The following HOXD4 variants were observed in gnomAD, a reference collection of about 807,000 sequenced individuals.
HOXD4 encodes the protein homeobox D4.
In HOXD4, 15 loss-of-function variants were observed where a neutral mutation model predicts 22.6. That is an observed-to-expected ratio of 0.67 (90% confidence interval 0.45 to 1.02). The LOEUF is 1.02. Among genes scored for constraint, HOXD4 ranks in the 50% least tolerant of loss-of-function variants. HOXD4 has a pLI of 0.00. For synonymous variants in HOXD4, 176 were observed against 157.0 expected (o/e 1.12, Z -0.90); for missense variants, 350 against 346.6 (o/e 1.01, Z -0.08).
Position 176,151,846 on chromosome 2 carries a change from G to T in HOXD4, c.213G>T (p.Ser71=). 1 of 1,594,134 alleles carries T rather than the reference G, an allele frequency of 6.3e-7. No homozygotes were observed. The highest frequency in any genetic ancestry group is 8.5e-7 in the Non-Finnish European group (1 of 1,170,220). The change falls in exon 1 of 2, where the codon TCG becomes TCT. Residue 71 remains serine, a synonymous_variant. Transcript: ENST00000306324. The part of the protein sequence containing the change: ...PFGGSGPGPG[S]ALPARGHGQE... The stretch of plus-strand genomic sequence containing the variant: ...GAGGCAGCGGCCCCGGGCCTGGCTC[G>T]GCGCTGCCTGCGCGGGGTCACGGAC...
Position 176,151,674 on chromosome 2 carries a change from AC to A in HOXD4, c.45del (p.Lys16SerfsTer14). The A allele has an allele frequency of 6.2e-7, 1 of 1,613,498 alleles. No individual in the cohort carries two copies. The highest frequency in any genetic ancestry group is 8.5e-7 in the Non-Finnish European group (1 of 1,179,962). ...SSYMVNSKYV[D>X]PKFPPCEEYL... ...TATATGGTGAACTCCAAGTATGTGG[AC>A]CCCAAGTTCCCTCCGTGCGAGGAGT... On this transcript the variant is annotated frameshift_variant, in exon 1 of 2. Transcript: ENST00000306324. LOFTEE classifies it high-confidence loss of function.
Position 176,153,105 on chromosome 2 carries a change from G to T in HOXD4, c.*163G>T. On this transcript the variant is annotated 3_prime_UTR_variant, in exon 2 of 2. Coordinates refer to ENST00000306324, the MANE Select transcript of HOXD4 (RefSeq NM_014621.3). ...TAGGTTAGCATCCTGCCCGAGGGCA[G>T]CCCCCTCCCTAGAGCGGGATGGGGA... is the stretch of plus-strand genomic sequence containing the variant. 1 of 389,354 alleles carries T rather than the reference G, an allele frequency of 2.6e-6. No individual in the cohort carries two copies. The allele number at this position is 389,354 out of a possible 1,614,324, so 24.1% of individuals were successfully genotyped here.
Position 176,152,093 on chromosome 2 carries a change from T to C in HOXD4, c.433+27T>C, listed in dbSNP as rs1157717503. The stretch of plus-strand genomic sequence containing the variant: ...TAAGGCTAGGGTCCAGTAACCTTTC[T>C]GTCCACATCCCAGCCCGTTAGCCTG... On this transcript the variant is annotated intron_variant, in intron 1 of 1. Transcript: ENST00000306324. This position sits in a 1 kb window ranked among gnomAD's most constrained non-coding sequence, Gnocchi z 5.2. 2 of 1,597,986 alleles carry C rather than the reference T, an allele frequency of 1.3e-6. No homozygotes were observed. The highest frequency in any genetic ancestry group is 1.7e-6 in the Non-Finnish European group (2 of 1,165,924).
At position 176,152,166 on chromosome 2, in the gene HOXD4, A is replaced by G; in HGVS notation, c.433+100A>G. 3 of 965,672 alleles carry G rather than the reference A, an allele frequency of 3.1e-6. No homozygotes were observed. Among genetic ancestry groups the G allele is most frequent in the Non-Finnish European group, 3.2e-6 (2 of 618,220 alleles). The allele number at this position is 965,672 out of a possible 1,614,324, so 59.8% of individuals were successfully genotyped here. On this transcript the variant is annotated intron_variant, in intron 1 of 1. Coordinates refer to ENST00000306324, the MANE Select transcript of HOXD4 (RefSeq NM_014621.3). This position sits in a 1 kb window ranked among gnomAD's most constrained non-coding sequence, Gnocchi z 5.2. Reference sequence around the variant, plus strand: ...GTAGGTGGGGGCGTGTGGAGCTTCCATGGGCGCCGCAATTACTCTCCCCAT... The same window carrying G: ...GTAGGTGGGGGCGTGTGGAGCTTCCGTGGGCGCCGCAATTACTCTCCCCAT...
chr2:176,152,059 G>T lies in HOXD4; in HGVS notation c.426G>T (p.Val142=). The T allele has an allele frequency of 1.2e-6, 2 of 1,613,426 alleles. No homozygotes were observed. The highest frequency in any genetic ancestry group is 1.1e-5 in the South Asian group (1 of 91,066). The stretch of plus-strand genomic sequence containing the variant: ...ACCCCTGGATGAAGAAGGTGCACGT[G>T]AATTCGGGTAAGGCTAGGGTCCAGT... ...VVYPWMKKVH[V]NSVNPNYTGG... is the part of the protein sequence containing the mutation. The change falls in exon 1 of 2, where the codon GTG becomes GTT. Residue 142 remains valine, a synonymous_variant. Transcript: ENST00000306324. This position sits in a 1 kb window ranked among gnomAD's most constrained non-coding sequence, Gnocchi z 5.2.
At position 176,153,218 on chromosome 2, in the gene HOXD4, T is replaced by C. The variant is rs894183578; in HGVS notation, c.*276T>C. The stretch of plus-strand genomic sequence containing the variant: ...AAATCTTGGCGAGTCATTAAACTTA[T>C]GAAAATCACCGCTCTTGGATTTTGA... On this transcript the variant is annotated 3_prime_UTR_variant, in exon 2 of 2. Transcript: ENST00000306324. 15 of 477,176 alleles carry C rather than the reference T, an allele frequency of 3.1e-5. No homozygotes were observed. The highest frequency in any genetic ancestry group is 2.9e-4 in the African/African-American group (15 of 51,694). 29.6% of individuals were successfully genotyped at this position (477,176 alleles called of 1,614,324 possible).
rs772454886 is a variant in HOXD4, at chr2:176,151,562, G to A, written c.-72G>A. On this transcript the variant is annotated 5_prime_UTR_variant, in exon 1 of 2. Coordinates refer to ENST00000306324, the MANE Select transcript of HOXD4 (RefSeq NM_014621.3). ...CCCAACTTTATTCAGTTGACAGCAA[G>A]TAGGAGGGCCCTATGGAAGGAGAAA... is the stretch of plus-strand genomic sequence containing the variant. The A allele has an allele frequency of 4.6e-5, 62 of 1,359,400 alleles. No homozygotes were observed. Among genetic ancestry groups the A allele is most frequent in the Non-Finnish European group, 6.4e-5 (61 of 952,638 alleles). 84.2% of individuals were successfully genotyped at this position (1,359,400 alleles called of 1,614,324 possible).
rs1690517372 is a variant in HOXD4, at chr2:176,151,552, T to C, written c.-82T>C. 7.8e-7 allele frequency: 1 copy of C among 1,277,148 alleles called. No homozygotes were observed. The highest frequency in any genetic ancestry group is 1.5e-5 in the African/African-American group (1 of 68,090). 79.1% of individuals were successfully genotyped at this position (1,277,148 alleles called of 1,614,324 possible). ...CACATGGCTGCCCAACTTTATTCAG[T>C]TGACAGCAAGTAGGAGGGCCCTATG... On this transcript the variant is annotated 5_prime_UTR_variant, in exon 1 of 2. Transcript: ENST00000306324.
At position 176,151,900 on chromosome 2, in the gene HOXD4, C is replaced by T. The variant is rs1306750727; in HGVS notation, c.267C>T (p.Tyr89=). Residue 89 remains tyrosine (Y), a synonymous_variant, in exon 1 of 2, where the codon TAC becomes TAT. Coordinates refer to ENST00000306324, the MANE Select transcript of HOXD4 (RefSeq NM_014621.3). The part of the protein sequence containing the change: ...GQEPGGPGGH[Y]AAPGEPCPAP... ...AGCCAGGCGGCCCCGGCGGTCACTA[C>T]GCCGCTCCAGGAGAGCCTTGCCCAG... 2 of 1,590,546 alleles carry T rather than the reference C, an allele frequency of 1.3e-6. No individual in the cohort carries two copies. The highest frequency in any genetic ancestry group is 3.5e-5 in the Admixed American group (2 of 56,794).
chr2:176,151,798 C>A lies in HOXD4; in HGVS notation c.165C>A (p.Pro55=). The A allele has an allele frequency of 6.2e-7, 1 of 1,611,492 alleles. No individual in the cohort carries two copies. The highest frequency in any genetic ancestry group is 1.1e-5 in the South Asian group (1 of 90,994). Residue 55 remains proline (P), a synonymous_variant, in exon 1 of 2, where the codon CCC becomes CCA. Coordinates refer to ENST00000306324, the MANE Select transcript of HOXD4 (RefSeq NM_014621.3). ...DFQPPGLYPR[P]DFGEQPFGGS... The stretch of plus-strand genomic sequence containing the variant: ...AGCCCCCGGGGCTCTACCCACGGCC[C>A]GACTTCGGTGAGCAGCCTTTCGGAG...
At position 176,152,822 on chromosome 2, in the gene HOXD4, C is replaced by T; in HGVS notation, c.648C>T (p.Pro216=). 1.2e-6 allele frequency: 2 copies of T among 1,614,196 alleles called. No homozygotes were observed. Among genetic ancestry groups the T allele is most frequent in the East Asian group, 2.2e-5 (1 of 44,884 alleles). Residue 216 remains proline (P), a synonymous_variant, in exon 2 of 2, where the codon CCC becomes CCT. Coordinates refer to ENST00000306324, the MANE Select transcript of HOXD4 (RefSeq NM_014621.3). This position sits in a 1 kb window ranked among gnomAD's most constrained non-coding sequence, Gnocchi z 5.2. The stretch of plus-strand genomic sequence containing the variant: ...AGTGGAAAAAAGATCATAAGCTGCC[C>T]AACACTAAAGGCAGGTCATCGTCCT... ...RMKWKKDHKL[P]NTKGRSSSSS...
rs1574973330 is a variant in HOXD4 at position 176,152,178 on chromosome 2, A to G, written c.433+112A>G. On this transcript the variant is annotated intron_variant, in intron 1 of 1. Transcript: ENST00000306324. This position sits in a 1 kb window ranked among gnomAD's most constrained non-coding sequence, Gnocchi z 5.2. ...GTGTGGAGCTTCCATGGGCGCCGCA[A>G]TTACTCTCCCCATAAATTTTTATAG... The G allele has an allele frequency of 2.4e-6, 2 of 832,498 alleles. No homozygotes were observed. The highest frequency in any genetic ancestry group is 3.9e-6 in the Non-Finnish European group (2 of 512,066). The allele number at this position is 832,498 out of a possible 1,614,324, so 51.6% of individuals were successfully genotyped here.
At position 176,151,893 on chromosome 2, in the gene HOXD4, G is replaced by A. The variant is rs1400858279; in HGVS notation, c.260G>A (p.Gly87Asp). 1.1e-5 allele frequency: 18 copies of A among 1,588,092 alleles called. No homozygotes were observed. Among genetic ancestry groups the A allele is most frequent in the Non-Finnish European group, 1.5e-5 (18 of 1,167,026 alleles). The change falls in exon 1 of 2, where the codon GGT becomes GAT. Residue 87 changes from glycine (G) to aspartate (D), a missense_variant. By Grantham distance (94) the Gly-to-Asp change is moderately conservative. Transcript: ENST00000306324. ...GHGQEPGGPG[G>D]HYAAPGEPCP... Reference sequence around the variant, plus strand: ...GGACAAGAGCCAGGCGGCCCCGGCGGTCACTACGCCGCTCCAGGAGAGCCT... The same window carrying A: ...GGACAAGAGCCAGGCGGCCCCGGCGATCACTACGCCGCTCCAGGAGAGCCT...
rs1690565755 is a variant in HOXD4 at position 176,152,667 on chromosome 2, C to T, written c.493C>T (p.Gln165Ter). 3 of 1,614,182 alleles carry T rather than the reference C, an allele frequency of 1.9e-6. No individual in the cohort carries two copies. In the Middle Eastern group the frequency reaches 4.9e-4, roughly 266 times the overall value. ...GTCCCGAACGGCCTACACCCGGCAG[C>T]AAGTCCTAGAACTGGAAAAAGAATT... is the stretch of plus-strand genomic sequence containing the variant. ...KRSRTAYTRQ[Q>*]VLELEKEFHF... The change falls in exon 2 of 2, where the codon CAA becomes TAA. Residue 165 changes from glutamine (Q) to a stop codon, truncating the protein, a stop_gained. Transcript: ENST00000306324. LOFTEE classifies it high-confidence loss of function. The surrounding 1 kb of genome is among the most constrained non-coding windows in gnomAD (Gnocchi z 5.2).
chr2:176,152,135 G>T lies in HOXD4; in HGVS notation c.433+69G>T, dbSNP rs1448948618. The T allele has an allele frequency of 3.7e-6, 5 of 1,335,734 alleles. No individual in the cohort carries two copies. Among genetic ancestry groups the T allele is most frequent in the Non-Finnish European group, 4.3e-6 (4 of 932,744 alleles). 82.7% of individuals were successfully genotyped at this position (1,335,734 alleles called of 1,614,324 possible). A position where few individuals can be genotyped will look rare whatever the true frequency, so the allele number is the denominator to read the frequency against. ...GTTAGCCTGGGTCCTCTGGAAGGGGGTGCGAGTAGGTGGGGGCGTGTGGAG... is the reference window on the plus strand; with the variant it reads ...GTTAGCCTGGGTCCTCTGGAAGGGGTTGCGAGTAGGTGGGGGCGTGTGGAG... On this transcript the variant is annotated intron_variant, in intron 1 of 1. Transcript: ENST00000306324. The surrounding 1 kb of genome is among the most constrained non-coding windows in gnomAD (Gnocchi z 5.2).
Position 176,151,723 on chromosome 2 carries a change from C to CGAGCAG in HOXD4, c.92_97dup (p.Glu31_Gln32dup). 6.2e-7 allele frequency: 1 copy of CGAGCAG among 1,613,462 alleles called. No homozygotes were observed. Among genetic ancestry groups the CGAGCAG allele is most frequent in the Non-Finnish European group, 8.5e-7 (1 of 1,179,960 alleles). On this transcript the variant is annotated inframe_insertion, in exon 1 of 2. Coordinates refer to ENST00000306324, the MANE Select transcript of HOXD4 (RefSeq NM_014621.3). ...AGTATTTGCAGGGCGGCTACCTAGG[C>CGAGCAG]GAGCAGGGCGCCGACTACTACGGCG...
At position 176,152,809 on chromosome 2, in the gene HOXD4, A is replaced by T. The variant is rs1690569921; in HGVS notation, c.635A>T (p.Asp212Val). ...AACCGGAGGATGAAGTGGAAAAAAGATCATAAGCTGCCCAACACTAAAGGC... is the reference window on the plus strand; with the variant it reads ...AACCGGAGGATGAAGTGGAAAAAAGTTCATAAGCTGCCCAACACTAAAGGC... ...FQNRRMKWKKDHKLPNTKGRS... is the reference protein window; with the variant it reads ...FQNRRMKWKKVHKLPNTKGRS... Residue 212 changes from aspartate (D) to valine (V), a missense_variant, in exon 2 of 2, where the codon GAT (aspartate) becomes GTT (valine). By Grantham distance (152) the Asp-to-Val change is radical. Coordinates refer to ENST00000306324, the MANE Select transcript of HOXD4 (RefSeq NM_014621.3). This position sits in a 1 kb window ranked among gnomAD's most constrained non-coding sequence, Gnocchi z 5.2. 1 of 1,614,092 alleles carries T rather than the reference A, an allele frequency of 6.2e-7. No individual in the cohort carries two copies. Among genetic ancestry groups the T allele is most frequent in the Non-Finnish European group, 8.5e-7 (1 of 1,180,032 alleles).
In HOXD4 at chr2:176,152,624, C is replaced by T; in HGVS notation, c.450C>T (p.Thr150=). Residue 150 remains threonine, a synonymous_variant, in exon 2 of 2, where the codon ACC becomes ACT. Coordinates refer to ENST00000306324, the MANE Select transcript of HOXD4 (RefSeq NM_014621.3). The surrounding 1 kb of genome is among the most constrained non-coding windows in gnomAD (Gnocchi z 5.2). ...VHVNSVNPNY[T]GGEPKRSRTA... is the part of the protein sequence containing the mutation. ...GTCTCGCAGTGAACCCCAACTACAC[C>T]GGTGGGGAACCCAAGCGGTCCCGAA... 2 of 1,613,900 alleles carry T rather than the reference C, an allele frequency of 1.2e-6. No homozygotes were observed. The highest frequency in any genetic ancestry group is 4.5e-5 in the East Asian group (2 of 44,854).
rs1265532710 is a variant in HOXD4, at chr2:176,151,653, T to C, written c.20T>C (p.Met7Thr). 2 of 1,612,800 alleles carry C rather than the reference T, an allele frequency of 1.2e-6. No individual in the cohort carries two copies. The highest frequency in any genetic ancestry group is 2.7e-5 in the African/African-American group (2 of 74,932). The change falls in exon 1 of 2, where the codon ATG (methionine) becomes ACG (threonine). Residue 7 changes from methionine (M) to threonine (T), a missense_variant. Coordinates refer to ENST00000306324, the MANE Select transcript of HOXD4 (RefSeq NM_014621.3). Reference protein sequence around the residue: MVMSSYMVNSKYVDPKF... With the variant: MVMSSYTVNSKYVDPKF... ...AAATTAATGGTCATGAGTTCGTATA[T>C]GGTGAACTCCAAGTATGTGGACCCC...
Sources: gnomAD v4.1 joint callset for allele counts on GRCh38, gnomAD v4.1.1 for gene constraint, Gnocchi (gnomAD v3.1) non-coding constraint, MANE v1.5 for transcripts, NCBI Gene and HGNC (gene_info 2026-07-23, HGNC 2026-07-21) for gene names.